WDR75: variants seen among roughly 807,000 people sequenced by gnomAD.
WDR75 encodes WD repeat-containing protein 75.
Under a neutral mutation model 106.1 loss-of-function variants are expected in WDR75, and 52 were observed. That is an observed-to-expected ratio of 0.49 (90% CI 0.39 to 0.62). The LOEUF (loss-of-function observed/expected upper bound fraction) is 0.62, where lower values mean the gene tolerates loss of function less well. Among genes scored for constraint, WDR75 ranks in the 20% least tolerant of loss-of-function variants. WDR75 has a pLI of 0.00. For synonymous variants in WDR75, 333 were observed against 335.5 expected, an observed-to-expected ratio of 0.99 and a Z score of 0.08; for missense variants, 905 against 970.3, an observed-to-expected ratio of 0.93 and a Z score of 0.89.
chr2:189,448,633 G>T, intron 2 of WDR75, 125 bp downstream of exon 2: 1 of 1,307,590 alleles, frequency 7.6e-7, no homozygotes, highest in East Asian at 2.4e-5. Flanking sequence ...TTCAGTTGTA[G>T]GGTATTTTCC....
intron 3 of WDR75, 72 bp from the exon 4 acceptor site, chr2:189,451,733 C>T: frequency 2.2e-6 from 3 of 1,371,530 alleles, no homozygotes; most frequent in Non-Finnish European, 3.1e-6. Flanking sequence ...CATAAAAACC[C>T]CTGCCTTGAT....
intron 1 of WDR75, among the ~76,000 whole-genome samples, chr2:189,445,149 C>T (rs1257062357): frequency 1.3e-5 from 2 of 152,110 alleles, no homozygotes; most frequent in Non-Finnish European, 2.9e-5. Flanking sequence ...TCTATGAGAA[C>T]GTGTTATTTA....
In WDR75 at chr2:189,475,198, C is replaced by A. The variant is rs775108174; in HGVS notation, c.2289-15C>A. 3 of 1,562,152 alleles carry A rather than the reference C, an allele frequency of 1.9e-6. No individual in the cohort carries two copies. The South Asian group carries it at 3.5e-5, about 18-fold the overall frequency. On this transcript the variant is annotated splice_polypyrimidine_tract_variant and intron_variant, in intron 20 of 20. Transcript: ENST00000314761. ...CATTTAATAGTGTTTATATTTTATT[C>A]TGTTATTGTTAAAGTGCTAAGGAAA...
At chr2:189,469,735 A>G (rs574221105) in intron 16 of WDR75, among the ~76,000 whole-genome samples, 2 of 152,292 alleles carry the variant, frequency 1.3e-5, no homozygotes, top group East Asian at 3.9e-4. Context: ...TTAATTGGTC[A>G]TCCTCTATGT....
At chr2:189,460,747 C>G (rs1347358476) in intron 8 of WDR75, among the ~76,000 whole-genome samples, 1 of 152,070 alleles carries the variant, frequency 6.6e-6, no homozygotes, top group East Asian at 1.9e-4. Context: ...TCAGGCGATC[C>G]CCCCAGCCTC....
At chr2:189,448,319 G>T in intron 1 of WDR75, 60 bp from the exon 2 acceptor site, 1 of 1,507,182 alleles carries the variant, frequency 6.6e-7, no homozygotes, top group South Asian at 1.3e-5. Context: ...GTCTTTTTCA[G>T]CAGTGTGAAA....
chr2:189,455,240 C>CAA (rs5837143), intron 4 of WDR75, 80 bp from the exon 5 acceptor site: 34,181 of 1,165,390 alleles, frequency 0.029, 3 homozygotes, highest in Non-Finnish European at 0.032. Context: ...GACTTTGCCT[C>CAA]AAAAAAAAAA....
Position 189,470,864 on chromosome 2 carries a change from C to T in WDR75, c.2035C>T (p.Pro679Ser), listed in dbSNP as rs1304980903. 1 of 1,601,322 alleles carries T rather than the reference C, an allele frequency of 6.2e-7. No homozygotes were observed. Among genetic ancestry groups the T allele is most frequent in the Non-Finnish European group, 8.5e-7 (1 of 1,175,038 alleles). ...STKSPEEKLT[P>S]TSKQLLAEES... ...AAAGTCTCCAGAAGAAAAACTCACA[C>T]CAACAAGCAAACAGGTATGTTTTAG... The change falls in exon 18 of 21, where the codon CCA becomes TCA. Residue 679 changes from proline (P) to serine (S), a missense_variant. Transcript: ENST00000314761.
Position 189,451,886 on chromosome 2 carries a change from G to A in WDR75, c.364G>A (p.Glu122Lys). Residue 122 changes from glutamate (E) to lysine (K), a missense_variant, in exon 4 of 21, where the codon GAA (glutamate) becomes AAA (lysine). Transcript: ENST00000314761. ...EDSVFVIVNK[E>K]KPDIFQLVSV... ...TTCTGTCTTTGTTATAGTGAATAAAGAAAAACCAGGTATGGTATAATTAAC... is the reference window on the plus strand; with the variant it reads ...TTCTGTCTTTGTTATAGTGAATAAAAAAAAACCAGGTATGGTATAATTAAC... 6.2e-7 allele frequency: 1 copy of A among 1,611,766 alleles called. No individual in the cohort carries two copies. Among genetic ancestry groups the A allele is most frequent in the Non-Finnish European group, 8.5e-7 (1 of 1,178,550 alleles).
intron 18 of WDR75, among the ~76,000 whole-genome samples, chr2:189,473,451 A>G (rs1233016187): frequency 6.6e-6 from 1 of 152,048 alleles, no homozygotes; most frequent in African/African-American, 2.4e-5. Context: ...GGTCAAATTA[A>G]CCATAAAAAA....
Position 189,467,520 on chromosome 2 carries a change from A to G in WDR75, c.1500A>G (p.Gln500=), listed in dbSNP as rs1168957059. The G allele has an allele frequency of 1.9e-6, 3 of 1,608,632 alleles. No homozygotes were observed. The highest frequency in any genetic ancestry group is 1.3e-5 in the African/African-American group (1 of 74,706). Reference sequence around the variant, plus strand: ...TTGTTGGTAGTTATCACAAGTATCAAGCAACTAACTGTTGTTTCTCCGAAG... The same window carrying G: ...TTGTTGGTAGTTATCACAAGTATCAGGCAACTAACTGTTGTTTCTCCGAAG... The part of the protein sequence containing the change: ...CDFVGSYHKY[Q]ATNCCFSEDG... The change falls in exon 14 of 21, where the codon CAA becomes CAG. Residue 500 remains glutamine, a synonymous_variant. Transcript: ENST00000314761.
intron 4 of WDR75, among the ~76,000 whole-genome samples, chr2:189,454,928 A>G (rs753581218): frequency 2.0e-5 from 3 of 152,198 alleles, no homozygotes; most frequent in Admixed American, 6.5e-5. Flanking sequence ...TCTTGCATCA[A>G]ATAAATTCTA....
intron 6 of WDR75, 44 bp from the exon 7 acceptor site, chr2:189,458,709 A>G (rs1686794799): frequency 2.0e-6 from 3 of 1,475,464 alleles, no homozygotes; most frequent in Non-Finnish European, 2.7e-6. Context: ...CCACTTATCA[A>G]GAGACTTTAA....
intron 11 of WDR75, 57 bp downstream of exon 11, chr2:189,464,018 A>T: frequency 7.0e-7 from 1 of 1,423,126 alleles, no homozygotes. Context: ...GTACCACTGG[A>T]GTCAAGCAAT....
intron 3 of WDR75, 52 bp downstream of exon 3, chr2:189,451,020 A>G: frequency 6.4e-7 from 1 of 1,573,074 alleles, no homozygotes; most frequent in Non-Finnish European, 8.6e-7. Context: ...AAGGCAATGT[A>G]ATTTAATGGT....
chr2:189,470,715 C>A, intron 17 of WDR75, 104 bp from the exon 18 acceptor site: 1 of 680,916 alleles, frequency 1.5e-6, no homozygotes, highest in Non-Finnish European at 2.2e-6. Flanking sequence ...ATATATATAT[C>A]AAAGTGAAAA....
intron 14 of WDR75, among the ~76,000 whole-genome samples, chr2:189,468,130 A>G (rs143390213): frequency 6.6e-6 from 1 of 152,280 alleles, no homozygotes; most frequent in East Asian, 1.9e-4. Flanking sequence ...ACTTTGTAAA[A>G]CTTTCTTCAC....
chr2:189,461,160 A>G (rs988148027), intron 8 of WDR75, among the ~76,000 whole-genome samples: 16 of 152,238 alleles, frequency 1.1e-4, no homozygotes, highest in Admixed American at 2.6e-4. Context: ...AAACCCCATT[A>G]TAAACCAGTG....
chr2:189,471,064 TATC>T (rs1687110550), intron 18 of WDR75, among the ~76,000 whole-genome samples, 186 bp downstream of exon 18: 2 of 152,148 alleles, frequency 1.3e-5, no homozygotes, highest in African/African-American at 2.4e-5. Context: ...TAATTTATAA[TATC>T]AGTAATATAT....
Sources: allele counts gnomAD v4.1 joint callset (sites outside exome capture counted in the v4.1 genomes callset), GRCh38; gene constraint gnomAD v4.1.1; transcripts MANE v1.5; gene names NCBI Gene and HGNC (gene_info 2026-07-23, HGNC 2026-07-21).